Variants in PRAG1 observed in about 807,000 individuals in gnomAD.
PRAG1 encodes the protein inactive tyrosine-protein kinase PRAG1.
PRAG1 carries 110 observed loss-of-function variants against 95.6 expected under a neutral mutation model. The observed-to-expected ratio is 1.15, with a 90% CI of 0.99 to 1.35. PRAG1 has a LOEUF of 1.35. Among genes scored for constraint, PRAG1 ranks in the 40% most tolerant of loss-of-function variants. The pLI is 0.00. For synonymous variants in PRAG1, 1,052 were observed against 819.4 expected, an observed-to-expected ratio of 1.28 and a Z score of -4.85; for missense variants, 2,554 against 1,864.7, an observed-to-expected ratio of 1.37 and a Z score of -6.81.
chr8:8,331,181 T>C (rs1037201402), intron 4 of PRAG1, among the ~76,000 whole-genome samples: 3 of 152,136 alleles, frequency 2.0e-5, no homozygotes, highest in Non-Finnish European at 4.4e-5. Flanking sequence ...CCATCCCAAG[T>C]CCAGTCGGCT....
chr8:8,363,076 T>A (rs1205583605), intron 3 of PRAG1, among the ~76,000 whole-genome samples: 1 of 143,330 alleles, frequency 7.0e-6, no homozygotes, highest in Non-Finnish European at 1.5e-5. Context: ...TATATAGATA[T>A]ATATATGTGT....
In PRAG1 at chr8:8,318,763, G is replaced by T; in HGVS notation, c.3612C>A (p.Pro1204=). The change falls in exon 6 of 6, where the codon CCC becomes CCA. Residue 1204 remains proline, a synonymous_variant. Transcript: ENST00000615670. This position sits in a 1 kb window ranked among gnomAD's most constrained non-coding sequence, Gnocchi z 4.2. ...PAAGPASPEG[P]REKQLPRLII... is the part of the protein sequence containing the mutation. ...TGAGCCGGGGCAGCTGCTTCTCCCG[G>T]GGCCCTTCCGGGGAGGCGGGGCCGG... 6.3e-7 allele frequency: 1 copy of T among 1,577,288 alleles called. No individual in the cohort carries two copies.
At chr8:8,365,790 C>CTACA (rs1554510040) in intron 3 of PRAG1, among the ~76,000 whole-genome samples, 2 of 148,460 alleles carry the variant, frequency 1.3e-5, no homozygotes, top group South Asian at 2.2e-4. Context: ...TGGTGAAACC[C>CTACA]TATATATATA....
intron 5 of PRAG1, 97 bp downstream of exon 5, chr8:8,327,612 AT>A: frequency 7.3e-7 from 1 of 1,360,790 alleles, no homozygotes; most frequent in Non-Finnish European, 1.0e-6. Flanking sequence ...TCCCCTCCTA[AT>A]GCCCAGACAG....
chr8:8,330,265 C>T (rs915567053), intron 4 of PRAG1, among the ~76,000 whole-genome samples: 1 of 152,120 alleles, frequency 6.6e-6, no homozygotes, highest in Non-Finnish European at 1.5e-5. Context: ...ACTCAGGAGG[C>T]TGAGGGGAGA....
chr8:8,366,251 C>T (rs999104415), intron 3 of PRAG1, among the ~76,000 whole-genome samples: 5 of 151,618 alleles, frequency 3.3e-5, no homozygotes, highest in South Asian at 4.2e-4. Context: ...AGAGAATGGC[C>T]GTCATCTGCC....
Position 8,317,900 on chromosome 8 carries a change from GA to G in PRAG1, c.*253del, listed in dbSNP as rs1481926846. On this transcript the variant is annotated 3_prime_UTR_variant, in exon 6 of 6. Transcript: ENST00000615670. ...GTCCTCAGGACGTTGCATGGAACTGGAAATGTGTATAATTACAGAAGAAAAC... is the reference window on the plus strand; with the variant it reads ...GTCCTCAGGACGTTGCATGGAACTGGAATGTGTATAATTACAGAAGAAAAC... 3 of 291,848 alleles carry G rather than the reference GA, an allele frequency of 1.0e-5. No individual in the cohort carries two copies. The highest frequency in any genetic ancestry group is 4.8e-5 in the Admixed American group (1 of 20,760). 18.1% of individuals were successfully genotyped at this position (291,848 alleles called of 1,614,324 possible).
At chr8:8,354,743 T>G (rs995300626) in intron 3 of PRAG1, among the ~76,000 whole-genome samples, 19 of 152,160 alleles carry the variant, frequency 1.2e-4, no homozygotes, top group Admixed American at 6.5e-5. Flanking sequence ...ATAAAAACTC[T>G]TAACAGCTTG....
chr8:8,383,815 A>T (rs533491719), intron 1 of PRAG1, among the ~76,000 whole-genome samples: 1 of 152,274 alleles, frequency 6.6e-6, no homozygotes, highest in African/African-American at 2.4e-5. Flanking sequence ...CGGAGGAAAT[A>T]GCCAGGTTTT....
chr8:8,329,818 C>G (rs1191950082), intron 4 of PRAG1, among the ~76,000 whole-genome samples: 1 of 152,188 alleles, frequency 6.6e-6, no homozygotes, highest in East Asian at 1.9e-4. Context: ...GGAGGAGGGT[C>G]TCTCTAGGGA....
At chr8:8,354,824 A>G (rs943024385) in intron 3 of PRAG1, among the ~76,000 whole-genome samples, 2 of 152,142 alleles carry the variant, frequency 1.3e-5, no homozygotes, top group African/African-American at 4.8e-5. Flanking sequence ...ATCATAATCA[A>G]TGGGGAACAA....
intron 4 of PRAG1, among the ~76,000 whole-genome samples, chr8:8,335,679 T>C (rs774812328): frequency 6.6e-6 from 1 of 152,166 alleles, no homozygotes; most frequent in Non-Finnish European, 1.5e-5. Context: ...TTTTTAAAAA[T>C]AAATGTTTTT....
chr8:8,361,930 G>A (rs148973207), intron 3 of PRAG1, among the ~76,000 whole-genome samples: 2,067 of 152,176 alleles, frequency 0.014, 19 homozygotes, highest in Non-Finnish European at 0.018. Context: ...ATCTTTCTTC[G>A]CTCCCAATTT....
At chr8:8,370,755 C>T (rs2945917) in intron 3 of PRAG1, among the ~76,000 whole-genome samples, 1 of 152,162 alleles carries the variant, frequency 6.6e-6, no homozygotes, top group Non-Finnish European at 1.5e-5. Flanking sequence ...ATGTCAGTTC[C>T]TCTGGTTACT....
At chr8:8,361,183 A>C (rs991473306) in intron 3 of PRAG1, among the ~76,000 whole-genome samples, 2 of 152,188 alleles carry the variant, frequency 1.3e-5, no homozygotes, top group Non-Finnish European at 2.9e-5. Context: ...CTCACTGAGG[A>C]ACTTCCCTTA....
intron 3 of PRAG1, among the ~76,000 whole-genome samples, chr8:8,365,919 G>A (rs1271650298): frequency 1.3e-5 from 2 of 152,114 alleles, no homozygotes. Flanking sequence ...GGTGGAGATT[G>A]CAGTGAGCTG....
intron 1 of PRAG1, among the ~76,000 whole-genome samples, chr8:8,382,365 TC>T (rs1311301743): frequency 1.3e-5 from 2 of 152,222 alleles, no homozygotes; most frequent in Non-Finnish European, 2.9e-5. Context: ...AATCCACACT[TC>T]CAACCAGGTG....
intron 3 of PRAG1, among the ~76,000 whole-genome samples, chr8:8,361,232 G>A (rs1257640680): frequency 6.6e-6 from 1 of 152,194 alleles, no homozygotes; most frequent in African/African-American, 2.4e-5. Context: ...AGTAGGGGAG[G>A]AAAGGGAAGA....
chr8:8,339,669 T>C lies in PRAG1; in HGVS notation c.2163-34A>G, dbSNP rs772806430. 21 of 1,582,462 alleles carry C rather than the reference T, an allele frequency of 1.3e-5. No homozygotes were observed. The South Asian group carries it at 2.1e-4, about 16-fold the overall frequency. ...GGTAGGAACAAACAATACAAATAAC[T>C]CATTGGATTTCCATTCAGAAACCAG... is the stretch of plus-strand genomic sequence containing the variant. On this transcript the variant is annotated intron_variant, in intron 3 of 5. Coordinates refer to ENST00000615670, the MANE Select transcript of PRAG1 (RefSeq NM_001080826.3).
Sources: gnomAD v4.1 joint callset for allele counts (sites outside exome capture counted in the v4.1 genomes callset) on GRCh38, gnomAD v4.1.1 for gene constraint, Gnocchi (gnomAD v3.1) non-coding constraint, MANE v1.5 for transcripts, NCBI Gene and HGNC (gene_info 2026-07-23, HGNC 2026-07-21) for gene names.